The following ROBO1 variants were observed in gnomAD, a reference collection of about 807,000 sequenced individuals.
ROBO1 encodes roundabout guidance receptor 1, also known as roundabout homolog 1.
Under a neutral mutation model 195.9 loss-of-function variants are expected in ROBO1, and 149 were observed. The ratio of observed to expected loss-of-function variants is 0.76; its 90% CI spans 0.67 to 0.87. ROBO1 has a LOEUF of 0.87. Ranked by LOEUF, ROBO1 falls within the 40% of genes least tolerant of loss-of-function variation. The pLI is 0.00. For missense variants in ROBO1, 1,933 were observed against 2,068.3 expected, an observed-to-expected ratio of 0.93 and a Z score of 1.27; for synonymous variants, 816 against 733.2, an observed-to-expected ratio of 1.11 and a Z score of -1.82.
At chr3:78,774,356 G>C (rs2083451412) in intron 4 of ROBO1, among the ~76,000 whole-genome samples, 2 of 151,844 alleles carry the variant, frequency 1.3e-5, no homozygotes, top group Admixed American at 6.6e-5. Flanking sequence ...TATCGCCCAG[G>C]CTTGAGGGCA....
At chr3:79,204,991 T>A (rs1326131731) in intron 2 of ROBO1, among the ~76,000 whole-genome samples, 1 of 151,892 alleles carries the variant, frequency 6.6e-6, no homozygotes, top group African/African-American at 2.4e-5. Flanking sequence ...AGTTAGTTAG[T>A]TAGTTAGTTA....
chr3:79,395,173 A>C (rs916519586), intron 2 of ROBO1, among the ~76,000 whole-genome samples: 2 of 151,766 alleles, frequency 1.3e-5, no homozygotes, highest in African/African-American at 4.8e-5. Flanking sequence ...AATACAAAAA[A>C]TTCTCCGGGC....
At chr3:79,302,840 A>G (rs1348806520) in intron 2 of ROBO1, among the ~76,000 whole-genome samples, 1 of 152,162 alleles carries the variant, frequency 6.6e-6, no homozygotes, top group Non-Finnish European at 1.5e-5. Context: ...GAAATTTAGT[A>G]CAGTTAATTA....
intron 4 of ROBO1, among the ~76,000 whole-genome samples, chr3:78,845,188 C>T (rs909282465): frequency 1.3e-5 from 2 of 151,886 alleles, no homozygotes; most frequent in African/African-American, 2.4e-5. Flanking sequence ...ATAAAATGTG[C>T]ACAGGTTTTA....
At chr3:79,007,580 T>C (rs1404519091) in intron 3 of ROBO1, among the ~76,000 whole-genome samples, 1 of 152,232 alleles carries the variant, frequency 6.6e-6, no homozygotes, top group Non-Finnish European at 1.5e-5. Flanking sequence ...GGTTATCAAA[T>C]TTATATTTAT....
chr3:79,571,192 A>G (rs373919658), intron 2 of ROBO1, among the ~76,000 whole-genome samples: 1 of 152,134 alleles, frequency 6.6e-6, no homozygotes. Context: ...ATGAGAGGCA[A>G]TAACTTGTAA....
chr3:78,906,831 C>G (rs1280092703), intron 4 of ROBO1, among the ~76,000 whole-genome samples: 1 of 151,858 alleles, frequency 6.6e-6, no homozygotes, highest in Non-Finnish European at 1.5e-5. Flanking sequence ...AGTAACACTT[C>G]CATGAAAAAT....
chr3:79,657,875 C>A (rs1946214272), intron 1 of ROBO1, among the ~76,000 whole-genome samples: 1 of 151,970 alleles, frequency 6.6e-6, no homozygotes, highest in African/African-American at 2.4e-5. Context: ...GGCATCTATA[C>A]CCTACTGATG....
intron 4 of ROBO1, among the ~76,000 whole-genome samples, chr3:78,887,782 T>C (rs2036651995): frequency 6.6e-6 from 1 of 152,138 alleles, no homozygotes; most frequent in Non-Finnish European, 1.5e-5. Flanking sequence ...TTGCTTGAGA[T>C]CTGAATAAAA....
rs142870497 is a variant in ROBO1 at position 79,756,786 on chromosome 3, T to A, written c.-51+10966A>T. On this transcript the variant is annotated intron_variant, in intron 1 of 30. Coordinates refer to ENST00000464233, the MANE Select transcript of ROBO1 (RefSeq NM_002941.4). ...TTTCATCATCCCAAACTGAAAACTC[T>A]GTATTCATTAAACAATAACTTTCCA... 3.1e-4 allele frequency among the ~76,000 whole-genome samples: 47 copies of A among 152,292 alleles called. 1 individual carries two copies. In the East Asian group the frequency reaches 9.1e-3, roughly 29 times the overall value.
chr3:78,659,990 G>A (rs1053917519), intron 16 of ROBO1, 183 bp from the exon 17 acceptor site: 8 of 359,126 alleles, frequency 2.2e-5, no homozygotes, highest in Non-Finnish European at 3.3e-5. Context: ...ACATGATCTC[G>A]GCTCACTGCA....
intron 9 of ROBO1, among the ~76,000 whole-genome samples, chr3:78,688,158 C>T (rs995698611): frequency 5.9e-5 from 9 of 152,086 alleles, no homozygotes; most frequent in African/African-American, 1.9e-4. Context: ...GTTTTCAACA[C>T]ATTTGAATAT....
At chr3:79,715,519 TA>T (rs1702448536) in intron 1 of ROBO1, among the ~76,000 whole-genome samples, 1 of 152,152 alleles carries the variant, frequency 6.6e-6, no homozygotes, top group Admixed American at 6.6e-5. Flanking sequence ...TTTTTAGAAA[TA>T]ATGCTCTTGC....
chr3:78,880,236 C>T (rs2036102292), intron 4 of ROBO1, among the ~76,000 whole-genome samples: 1 of 152,076 alleles, frequency 6.6e-6, no homozygotes. Context: ...GTGGTAAATC[C>T]TACCAGTCCT....
At chr3:78,921,694 CAG>C (rs1197310247) in intron 4 of ROBO1, among the ~76,000 whole-genome samples, 25 of 151,864 alleles carry the variant, frequency 1.6e-4, no homozygotes, top group African/African-American at 5.3e-4. Flanking sequence ...CACTTTTAAA[CAG>C]GGAACAAAAT....
rs569084860 is a variant in ROBO1 at position 79,600,400 on chromosome 3, A to C, written c.-50-10439T>G. ...AGCTGGTCTGTCTTGACACATGTTGAGAGGCAGAAGTGTAGAGTGGTAGGG... is the reference window on the plus strand; with the variant it reads ...AGCTGGTCTGTCTTGACACATGTTGCGAGGCAGAAGTGTAGAGTGGTAGGG... On this transcript the variant is annotated intron_variant, in intron 1 of 30. Transcript: ENST00000464233. Among the ~76,000 whole-genome samples the C allele has an allele frequency of 7.2e-5, 11 of 152,122 alleles. No individual in the cohort carries two copies. In the South Asian group the frequency reaches 1.2e-3, roughly 17 times the overall value.
intron 3 of ROBO1, among the ~76,000 whole-genome samples, chr3:78,940,798 GTTT>G (rs2040087495): frequency 6.6e-6 from 1 of 152,176 alleles, no homozygotes; most frequent in Non-Finnish European, 1.5e-5. Context: ...TGTGGGTCTG[GTTT>G]TGCTCATGGT....
intron 2 of ROBO1, among the ~76,000 whole-genome samples, chr3:79,361,160 T>C (rs1422646746): frequency 6.6e-6 from 1 of 152,094 alleles, no homozygotes; most frequent in Non-Finnish European, 1.5e-5. Context: ...ATGATAGTTG[T>C]ATGACCTGAG....
intron 4 of ROBO1, among the ~76,000 whole-genome samples, chr3:78,784,375 G>A (rs1576159118): frequency 6.6e-6 from 1 of 152,172 alleles, no homozygotes; most frequent in East Asian, 1.9e-4. Context: ...ATTATCTAAT[G>A]AATAAGAAAT....
Sources: allele counts gnomAD v4.1 joint callset (sites outside exome capture counted in the v4.1 genomes callset), GRCh38; gene constraint gnomAD v4.1.1; transcripts MANE v1.5; gene names NCBI Gene and HGNC (gene_info 2026-07-23, HGNC 2026-07-21).